PDE4D: variants seen among roughly 807,000 people sequenced by gnomAD.
The protein encoded by PDE4D is 3',5'-cyclic-AMP phosphodiesterase 4D.
A neutral mutation model predicts 87.4 loss-of-function variants in PDE4D; 24 were observed. The ratio of observed to expected loss-of-function variants is 0.27; its 90% confidence interval spans 0.20 to 0.39. The LOEUF is 0.39. Among genes scored for constraint, PDE4D ranks in the 10% least tolerant of loss-of-function variants. The pLI, the probability that PDE4D is intolerant of heterozygous loss-of-function variation, is 1.00. For synonymous variants in PDE4D, 384 were observed against 383.2 expected (o/e 1.00, Z -0.02); for missense variants, 714 against 1,041.0 (o/e 0.69, Z 4.32).
intron 5 of PDE4D, among the ~76,000 whole-genome samples, chr5:59,079,862 GA>G: frequency 6.9e-6 from 1 of 144,786 alleles, no homozygotes; most frequent in East Asian, 2.1e-4. Flanking sequence ...GAGGAGAGGA[GA>G]GGAGAGGAGA....
intron 1 of PDE4D, among the ~76,000 whole-genome samples, chr5:60,283,892 A>T (rs7706560): frequency 0.3 from 45,978 of 151,886 alleles, 9,201 homozygotes; most frequent in African/African-American, 0.57. Context: ...TCCTATGCAC[A>T]GAGTCAAGCT....
In PDE4D at chr5:60,515,601, C is replaced by CTTTTTTTTTTTTT. The variant is rs954970783; in HGVS notation, n.70+6437_70+6449dup. On this transcript the variant is annotated intron_variant and non_coding_transcript_variant, in intron 1 of 2. Coordinates refer to the PDE4D transcript ENST00000506510. ...CTGAGCTTTCTTTCCTTTTCTTTTT[C>CTTTTTTTTTTTTT]TTTTTTTTTTTTTTTTTTCTGTCAG... 1.6e-3 allele frequency among the ~76,000 whole-genome samples: 166 copies of CTTTTTTTTTTTTT among 106,612 alleles called. 1 individual carries two copies. The highest frequency in any genetic ancestry group is 2.3e-3 in the African/African-American group (71 of 31,414). The allele number at this position is 106,612 out of a possible 152,430, so 69.9% of individuals were successfully genotyped here. A position where few individuals can be genotyped will look rare whatever the true frequency, so the allele number is the denominator to read the frequency against.
chr5:60,223,717 C>T (rs375224766), intron 1 of PDE4D, among the ~76,000 whole-genome samples: 10 of 152,132 alleles, frequency 6.6e-5, no homozygotes, highest in East Asian at 3.9e-4. Context: ...ATTGGCTTAC[C>T]GGCTGTACTT....
intron 3 of PDE4D, among the ~76,000 whole-genome samples, chr5:59,981,699 G>A (rs1339331731): frequency 6.6e-6 from 1 of 152,112 alleles, no homozygotes; most frequent in Non-Finnish European, 1.5e-5. Flanking sequence ...GAAGGTACAG[G>A]CTTCATGGTA....
chr5:59,039,060 C>T (rs1759102247), intron 5 of PDE4D, 89 bp from the exon 6 acceptor site: 8 of 1,505,632 alleles, frequency 5.3e-6, no homozygotes, highest in Admixed American at 2.1e-5. Context: ...TGCCATACCC[C>T]GCCATGCTCG....
intron 1 of PDE4D, among the ~76,000 whole-genome samples, chr5:59,339,140 G>A (rs1188133205): frequency 6.6e-6 from 1 of 152,158 alleles, no homozygotes; most frequent in Non-Finnish European, 1.5e-5. Flanking sequence ...GAGCAGCCTC[G>A]CTACAGATTT....
At chr5:59,752,513 C>T (rs770715869) in intron 1 of PDE4D, among the ~76,000 whole-genome samples, 3 of 152,136 alleles carry the variant, frequency 2.0e-5, no homozygotes, top group Admixed American at 2.0e-4. Context: ...GCTAGGGATA[C>T]ACCTGTGAAT....
chr5:59,836,656 A>ATCTATCTG (rs1207936243), intron 1 of PDE4D, among the ~76,000 whole-genome samples: 1 of 149,160 alleles, frequency 6.7e-6, no homozygotes, highest in Non-Finnish European at 1.5e-5. Flanking sequence ...CTATCTATCT[A>ATCTATCTG]TCATCTATCT....
At chr5:60,254,106 AC>A (rs1748775239) in intron 1 of PDE4D, among the ~76,000 whole-genome samples, 1 of 151,932 alleles carries the variant, frequency 6.6e-6, no homozygotes, top group South Asian at 2.1e-4. Flanking sequence ...ATAATGTAGC[AC>A]TGTCAAAGTG....
At chr5:60,197,077 T>A (rs28759178) in intron 1 of PDE4D, among the ~76,000 whole-genome samples, 14,466 of 115,766 alleles carry the variant, frequency 0.12, 1,185 homozygotes, top group South Asian at 0.15. Flanking sequence ...AGATAGACAG[T>A]TAGATAGATA....
intron 2 of PDE4D, among the ~76,000 whole-genome samples, chr5:60,038,508 T>G (rs1170247834): frequency 9.2e-5 from 14 of 152,122 alleles, no homozygotes; most frequent in Admixed American, 7.9e-4. Context: ...ACCAGTACCA[T>G]GCTGTTTTGG....
At chr5:60,098,110 G>A (rs2149325229) in intron 2 of PDE4D, among the ~76,000 whole-genome samples, 1 of 151,960 alleles carries the variant, frequency 6.6e-6, no homozygotes, top group South Asian at 2.1e-4. Context: ...ATTTAAGATT[G>A]ACTTCCACTT....
chr5:60,102,289 G>T lies in PDE4D; in HGVS notation c.42+83268C>A, dbSNP rs1023837463. ...TTTAATTTTATTTTCAATACAGTGGGTACATGTGCAGATTTGTTACATGGG... is the reference window on the plus strand; with the variant it reads ...TTTAATTTTATTTTCAATACAGTGGTTACATGTGCAGATTTGTTACATGGG... On this transcript the variant is annotated intron_variant, in intron 2 of 16. Coordinates refer to the PDE4D transcript ENST00000502484. Among the ~76,000 whole-genome samples the T allele has an allele frequency of 4.6e-5, 7 of 151,916 alleles. No individual in the cohort carries two copies. In the South Asian group the frequency reaches 1.5e-3, roughly 32 times the overall value.
intron 1 of PDE4D, among the ~76,000 whole-genome samples, chr5:59,323,591 A>G (rs1241385642): frequency 6.6e-6 from 1 of 152,018 alleles, no homozygotes; most frequent in East Asian, 1.9e-4. Context: ...TATTTCTCTT[A>G]CCTATTAACC....
At chr5:60,177,748 G>A (rs1013261866) in intron 2 of PDE4D, among the ~76,000 whole-genome samples, 5 of 152,102 alleles carry the variant, frequency 3.3e-5, no homozygotes, top group African/African-American at 1.2e-4. Context: ...AAATCTTTTC[G>A]TTTATTTAAT....
At chr5:59,822,915 C>T (rs1350845726) in intron 1 of PDE4D, among the ~76,000 whole-genome samples, 3 of 152,326 alleles carry the variant, frequency 2.0e-5, no homozygotes, top group East Asian at 1.9e-4. Context: ...ACGCTTTCCT[C>T]AGCTAGACTG....
At chr5:59,494,031 G>A (rs1489014719) in intron 1 of PDE4D, among the ~76,000 whole-genome samples, 2 of 152,210 alleles carry the variant, frequency 1.3e-5, no homozygotes, top group African/African-American at 4.8e-5. Context: ...ATGAGCTTTG[G>A]AAACTTGGCT....
At chr5:59,974,528 GCT>G (rs1202419185) in intron 3 of PDE4D, among the ~76,000 whole-genome samples, 1 of 152,108 alleles carries the variant, frequency 6.6e-6, no homozygotes, top group Non-Finnish European at 1.5e-5. Flanking sequence ...TCCAATAGAT[GCT>G]GAAATGTACT....
chr5:59,258,505 A>G (rs1435265268), intron 1 of PDE4D, among the ~76,000 whole-genome samples: 1 of 151,894 alleles, frequency 6.6e-6, no homozygotes, highest in Non-Finnish European at 1.5e-5. Flanking sequence ...AAAACTGTAG[A>G]AAATTATTCT....
Sources: allele counts gnomAD v4.1 joint callset (sites outside exome capture counted in the v4.1 genomes callset), GRCh38; gene constraint gnomAD v4.1.1; transcripts MANE v1.5; gene names NCBI Gene and HGNC (gene_info 2026-07-23, HGNC 2026-07-21).